Variants in RRN3 observed in about 807,000 individuals in gnomAD.
RRN3 encodes the protein RNA polymerase I transcription factor RRN3.
In RRN3, 38 loss-of-function variants were observed where a neutral mutation model predicts 82.3. That is an observed-to-expected ratio of 0.46 (90% CI 0.36 to 0.61). The LOEUF (loss-of-function observed/expected upper bound fraction) is 0.61, where lower values mean the gene tolerates loss of function less well. Among genes scored for constraint, RRN3 ranks in the 20% least tolerant of loss-of-function variants. The probability of loss-of-function intolerance (pLI) is 0.00; values close to 1 mark genes in which losing one functional copy is unlikely to be tolerated. For synonymous variants in RRN3, 284 were observed against 284.3 expected (o/e 1.00, Z 0.01); for missense variants, 726 against 793.1 (o/e 0.92, Z 1.02).
chr16:15,089,887 G>T (rs2046062665), intron 3 of RRN3, among the ~76,000 whole-genome samples: 3 of 149,878 alleles, frequency 2.0e-5, no homozygotes, highest in African/African-American at 4.9e-5. Flanking sequence ...AGTGTCGGCT[G>T]ATACAAGGAA....
intron 12 of RRN3, among the ~76,000 whole-genome samples, chr16:15,072,689 G>C (rs2045286990): frequency 6.6e-6 from 1 of 152,058 alleles, no homozygotes; most frequent in South Asian, 2.1e-4. Flanking sequence ...CCCAGCTATC[G>C]AGAGGGTAAG....
chr16:15,082,811 T>C (rs1377334114), intron 8 of RRN3, among the ~76,000 whole-genome samples: 1 of 152,190 alleles, frequency 6.6e-6, no homozygotes, highest in African/African-American at 2.4e-5. Flanking sequence ...ACTGCACAGA[T>C]GATCTGAACA....
chr16:15,060,898 G>A lies in RRN3; in HGVS notation c.*846C>T, dbSNP rs1220245435. The A allele has an allele frequency of 6.6e-6, 1 of 152,220 alleles. No homozygotes were observed. The highest frequency in any genetic ancestry group is 1.5e-5 in the Non-Finnish European group (1 of 68,054). 9.4% of individuals were successfully genotyped at this position (152,220 alleles called of 1,614,324 possible). A position where few individuals can be genotyped will look rare whatever the true frequency, so the allele number is the denominator to read the frequency against. ...ACTGACTCGATCTAATGGCCACCAA[G>A]GAGCAGTTCTAGATCTAAGGGGACA... is the stretch of plus-strand genomic sequence containing the variant. On this transcript the variant is annotated 3_prime_UTR_variant, in exon 18 of 18. Coordinates refer to ENST00000198767, the MANE Select transcript of RRN3 (RefSeq NM_018427.5).
intron 16 of RRN3, among the ~76,000 whole-genome samples, chr16:15,063,943 CT>C (rs977218105): frequency 7.9e-5 from 12 of 152,074 alleles, no homozygotes; most frequent in African/African-American, 2.9e-4. Flanking sequence ...CTGGAACTCT[CT>C]TTTTTATATT....
In RRN3 at chr16:15,061,591, G is replaced by A. The variant is rs2044711834; in HGVS notation, c.*153C>T. 1.7e-6 allele frequency: 1 copy of A among 585,084 alleles called. No individual in the cohort carries two copies. The highest frequency in any genetic ancestry group is 2.8e-5 in the East Asian group (1 of 35,280). 36.2% of individuals were successfully genotyped at this position (585,084 alleles called of 1,614,324 possible). ...CAACAAAAAAACCCAGTCTTCAGATGCTTGATTCAGTCGAACCTGGAAGTG... is the reference window on the plus strand; with the variant it reads ...CAACAAAAAAACCCAGTCTTCAGATACTTGATTCAGTCGAACCTGGAAGTG... On this transcript the variant is annotated 3_prime_UTR_variant, in exon 18 of 18. Transcript: ENST00000198767.
In RRN3 at chr16:15,060,972, C is replaced by T. The variant is rs1436335557; in HGVS notation, c.*772G>A. 6.6e-6 allele frequency: 1 copy of T among 152,232 alleles called. No individual in the cohort carries two copies. The highest frequency in any genetic ancestry group is 6.5e-5 in the Admixed American group (1 of 15,286). The allele number at this position is 152,232 out of a possible 1,614,324, so 9.4% of individuals were successfully genotyped here. On this transcript the variant is annotated 3_prime_UTR_variant, in exon 18 of 18. Coordinates refer to ENST00000198767, the MANE Select transcript of RRN3 (RefSeq NM_018427.5). The stretch of plus-strand genomic sequence containing the variant: ...CAATCTCATGTGTTTTACACAAGCC[C>T]GAACTCACTTTCAGTCTGTGTGAAT...
intron 12 of RRN3, among the ~76,000 whole-genome samples, chr16:15,071,761 C>T (rs1373084924): frequency 6.6e-6 from 1 of 152,032 alleles, no homozygotes; most frequent in African/African-American, 2.4e-5. Context: ...GAGTGAGACT[C>T]CATCTCAAAA....
At chr16:15,094,296 C>T (rs2046268618), upstream of RRN3, 1 of 1,387,450 alleles carries the variant, frequency 7.2e-7, no homozygotes, top group South Asian at 1.3e-5. Flanking sequence ...CAGCCACAGC[C>T]TCTGTCCCGG....
At chr16:15,081,866 T>C (rs1271125123) in intron 8 of RRN3, among the ~76,000 whole-genome samples, 1 of 152,236 alleles carries the variant, frequency 6.6e-6, no homozygotes, top group East Asian at 1.9e-4. Flanking sequence ...TTCATTCTTT[T>C]GCATGTTCAT....
In RRN3 at chr16:15,061,722, T is replaced by C; in HGVS notation, c.*22A>G. Reference sequence around the variant, plus strand: ...GTGATGGGGAATCCCAAATGTCACATCTCAGTCACAAATTTCTGCCGTCAG... The same window carrying C: ...GTGATGGGGAATCCCAAATGTCACACCTCAGTCACAAATTTCTGCCGTCAG... On this transcript the variant is annotated 3_prime_UTR_variant, in exon 18 of 18. Transcript: ENST00000198767. The C allele has an allele frequency of 6.3e-7, 1 of 1,597,672 alleles. No homozygotes were observed. The highest frequency in any genetic ancestry group is 8.6e-7 in the Non-Finnish European group (1 of 1,166,686).
At chr16:15,086,817 T>C (rs2045932344) in intron 3 of RRN3, among the ~76,000 whole-genome samples, 1 of 152,212 alleles carries the variant, frequency 6.6e-6, no homozygotes, top group African/African-American at 2.4e-5. Context: ...GAACAATAGC[T>C]ACCTCTATTT....
chr16:15,070,428 G>A (rs1380832760), intron 13 of RRN3, among the ~76,000 whole-genome samples, 174 bp from the exon 14 acceptor site: 4 of 151,686 alleles, frequency 2.6e-5, no homozygotes, highest in African/African-American at 4.8e-5. Context: ...GGATGGGTGC[G>A]TAGGAAGACA....
chr16:15,065,710 G>T (rs2044941061), intron 15 of RRN3, among the ~76,000 whole-genome samples: 1 of 152,162 alleles, frequency 6.6e-6, no homozygotes, highest in Admixed American at 6.5e-5. Context: ...AAAACTCTTA[G>T]ATTACGTAAC....
rs571309875 is a variant in RRN3, at chr16:15,070,302, C to T, written c.1260-48G>A. ...TCAACTTTACACATCATAAAAAAAC[C>T]AGAATAACATAAAAACACACAACTG... On this transcript the variant is annotated intron_variant, in intron 13 of 17. Coordinates refer to ENST00000198767, the MANE Select transcript of RRN3 (RefSeq NM_018427.5). 421 of 1,603,730 alleles carry T rather than the reference C, an allele frequency of 2.6e-4. 3 individuals carry two copies. The highest frequency in any genetic ancestry group is 3.2e-4 in the Non-Finnish European group (379 of 1,175,888).
At chr16:15,093,048 G>A (rs2046200160) in intron 1 of RRN3, among the ~76,000 whole-genome samples, 2 of 151,946 alleles carry the variant, frequency 1.3e-5, no homozygotes, top group African/African-American at 4.8e-5. Flanking sequence ...CTGCTGCCCA[G>A]GCTGGAGTGC....
At chr16:15,072,277 A>G (rs1224533428) in intron 12 of RRN3, among the ~76,000 whole-genome samples, 1 of 152,126 alleles carries the variant, frequency 6.6e-6, no homozygotes, top group Non-Finnish European at 1.5e-5. Context: ...AGAAGAAGAA[A>G]AGACAAAGCC....
chr16:15,093,319 A>G (rs746136052), intron 1 of RRN3, among the ~76,000 whole-genome samples: 2 of 152,142 alleles, frequency 1.3e-5, no homozygotes, highest in African/African-American at 2.4e-5. Flanking sequence ...TTTTGTCTTC[A>G]TTCAAGTGGA....
chr16:15,085,556 G>A, intron 6 of RRN3, 83 bp downstream of exon 6: 4 of 1,568,380 alleles, frequency 2.6e-6, no homozygotes, highest in Non-Finnish European at 3.5e-6. Context: ...GGCCTCAAGT[G>A]ATCCTCCCGT....
intron 3 of RRN3, among the ~76,000 whole-genome samples, chr16:15,089,029 G>A (rs1044552773): frequency 1.3e-5 from 2 of 152,164 alleles, no homozygotes; most frequent in Non-Finnish European, 2.9e-5. Context: ...TAGGCCGGGT[G>A]GAGTGGCTCA....
Sources: gnomAD v4.1 joint callset for allele counts (sites outside exome capture counted in the v4.1 genomes callset) on GRCh38, gnomAD v4.1.1 for gene constraint, MANE v1.5 for transcripts, NCBI Gene and HGNC (gene_info 2026-07-23, HGNC 2026-07-21) for gene names.